The following STK3 variants were observed in gnomAD, a reference collection of about 807,000 sequenced individuals.
STK3 encodes the protein serine/threonine kinase 3.
A neutral mutation model predicts 58.0 loss-of-function variants in STK3; 41 were observed. The observed-to-expected ratio is 0.71, with a 90% CI of 0.55 to 0.92. The LOEUF (loss-of-function observed/expected upper bound fraction) is 0.92, where lower values mean the gene tolerates loss of function less well. Among genes scored for constraint, STK3 ranks in the 40% least tolerant of loss-of-function variants. The pLI is 0.00. For synonymous variants in STK3, 170 were observed against 191.0 expected (o/e 0.89, Z 0.91); for missense variants, 479 against 602.7 (o/e 0.79, Z 2.15).
intron 4 of STK3, among the ~76,000 whole-genome samples, chr8:98,733,763 C>T (rs923593411): frequency 6.6e-6 from 1 of 152,112 alleles, no homozygotes; most frequent in Admixed American, 6.5e-5. Flanking sequence ...AAGACAGCAA[C>T]ATTTATTAGT....
At chr8:98,595,052 A>G (rs984829176) in intron 7 of STK3, 1 of 152,202 alleles carries the variant, frequency 6.6e-6, no homozygotes, top group Non-Finnish European at 1.5e-5. Context: ...TGTTCTACGA[A>G]TATTTTTACA....
intron 6 of STK3, among the ~76,000 whole-genome samples, chr8:98,688,010 C>T (rs1824129913): frequency 6.6e-6 from 1 of 152,152 alleles, no homozygotes; most frequent in Non-Finnish European, 1.5e-5. Flanking sequence ...AACAAAATCC[C>T]TCTTTCTCTT....
chr8:98,815,061 G>A (rs1834462258), intron 1 of STK3, among the ~76,000 whole-genome samples: 1 of 152,150 alleles, frequency 6.6e-6, no homozygotes, highest in African/African-American at 2.4e-5. Context: ...ATGACACTAG[G>A]TCATCTGAAA....
chr8:98,475,990 A>G (rs779387799), intron 10 of STK3, among the ~76,000 whole-genome samples: 5 of 152,204 alleles, frequency 3.3e-5, no homozygotes, highest in Non-Finnish European at 5.9e-5. Flanking sequence ...AAAGCAAACT[A>G]TTTAGGACTA....
intron 3 of STK3, among the ~76,000 whole-genome samples, chr8:98,844,798 G>A (rs1044285549): frequency 2.6e-5 from 4 of 152,174 alleles, no homozygotes; most frequent in African/African-American, 9.7e-5. Flanking sequence ...AATGATTATT[G>A]CTAGCATGAT....
intron 1 of STK3, among the ~76,000 whole-genome samples, chr8:98,788,628 T>C (rs1298849548): frequency 1.3e-5 from 2 of 152,140 alleles, no homozygotes; most frequent in African/African-American, 4.8e-5. Context: ...GGAATAGCTA[T>C]TCTTATACCA....
intron 9 of STK3, among the ~76,000 whole-genome samples, chr8:98,536,224 G>C (rs1167376984): frequency 6.6e-6 from 1 of 152,102 alleles, no homozygotes; most frequent in Non-Finnish European, 1.5e-5. Context: ...TTCCTGACTA[G>C]GGGTGAGAAA....
intron 3 of STK3, chr8:98,429,642 CTT>C: frequency 1.9e-6 from 1 of 514,772 alleles, no homozygotes; most frequent in East Asian, 3.0e-5. Context: ...ACTCACTGGT[CTT>C]TGCATCGTGG....
chr8:98,730,735 A>C (rs969883149), intron 4 of STK3, among the ~76,000 whole-genome samples: 4 of 151,924 alleles, frequency 2.6e-5, no homozygotes, highest in African/African-American at 9.7e-5. Flanking sequence ...AAAAAAAAAA[A>C]AAACACCTGT....
chr8:98,459,345 T>C (rs1197583441), intron 10 of STK3, among the ~76,000 whole-genome samples: 2 of 152,224 alleles, frequency 1.3e-5, no homozygotes, highest in Non-Finnish European at 2.9e-5. Flanking sequence ...AGATGTGACA[T>C]GGGTGCTCTT....
intron 6 of STK3, chr8:98,651,590 T>C (rs1169024394): frequency 6.6e-6 from 1 of 152,452 alleles, no homozygotes; most frequent in East Asian, 1.9e-4. Flanking sequence ...TTGAAAACTT[T>C]CAAAAAAATT....
intron 10 of STK3, among the ~76,000 whole-genome samples, chr8:98,461,702 T>G (rs944729349): frequency 2.6e-5 from 4 of 152,202 alleles, no homozygotes; most frequent in African/African-American, 9.6e-5. Flanking sequence ...CTCTCAGCAT[T>G]TGCTTGTCTG....
chr8:98,786,851 C>G (rs560140467), intron 1 of STK3, among the ~76,000 whole-genome samples: 2 of 152,034 alleles, frequency 1.3e-5, no homozygotes, highest in African/African-American at 4.8e-5. Context: ...ACAAAATGAA[C>G]ATCACCAAGG....
chr8:98,924,847 C>T (rs1839721282), intron 1 of STK3, among the ~76,000 whole-genome samples: 2 of 152,338 alleles, frequency 1.3e-5, no homozygotes, highest in South Asian at 4.1e-4. Flanking sequence ...GGATGAACCT[C>T]TCTTTCTCTT....
intron 10 of STK3, among the ~76,000 whole-genome samples, chr8:98,517,609 A>G (rs1483826705): frequency 2.0e-5 from 3 of 152,174 alleles, no homozygotes; most frequent in African/African-American, 7.2e-5. Flanking sequence ...AATTACAAAA[A>G]TAATTTTAGA....
chr8:98,512,432 A>G (rs983432892), intron 10 of STK3, among the ~76,000 whole-genome samples: 5 of 152,302 alleles, frequency 3.3e-5, no homozygotes, highest in African/African-American at 1.2e-4. Context: ...GATACAAGAT[A>G]AGTATAATTT....
intron 6 of STK3, among the ~76,000 whole-genome samples, chr8:98,697,300 G>A (rs1166141776): frequency 6.6e-6 from 1 of 151,894 alleles, no homozygotes; most frequent in Non-Finnish European, 1.5e-5. Flanking sequence ...GATCCTTTCA[G>A]AAAACCAGCT....
intron 10 of STK3, among the ~76,000 whole-genome samples, chr8:98,468,769 T>C (rs1412906874): frequency 3.3e-5 from 5 of 152,170 alleles, no homozygotes; most frequent in Non-Finnish European, 7.4e-5. Context: ...TGTTTGTGGG[T>C]TATGTCAGCA....
chr8:98,630,779 G>GGAAGAGGAAGAGGAA (rs140481096), intron 6 of STK3, among the ~76,000 whole-genome samples: 13 of 144,556 alleles, frequency 9.0e-5, no homozygotes, highest in African/African-American at 2.9e-4. Flanking sequence ...AAGAAGAAGA[G>GGAAGAGGAAGAGGAA]GAAGAGGAAG....
Sources: allele counts gnomAD v4.1 joint callset (sites outside exome capture counted in the v4.1 genomes callset), GRCh38; gene constraint gnomAD v4.1.1; transcripts MANE v1.5; gene names NCBI Gene and HGNC (gene_info 2026-07-23, HGNC 2026-07-21).